PTPRG: variants seen among roughly 807,000 people sequenced by gnomAD.
PTPRG encodes receptor-type tyrosine-protein phosphatase gamma.
In PTPRG, 102 loss-of-function variants were observed where a neutral mutation model predicts 165.3. That is an observed-to-expected ratio of 0.62 (90% CI 0.53 to 0.73). The LOEUF (loss-of-function observed/expected upper bound fraction) is 0.73. Ranked by LOEUF, PTPRG falls within the 30% of genes least tolerant of loss-of-function variation. PTPRG has a pLI of 0.00. For synonymous variants in PTPRG, 675 were observed against 669.5 expected (o/e 1.01, Z -0.13); for missense variants, 1,866 against 1,861.4 (o/e 1.00, Z -0.05).
intron 2 of PTPRG, among the ~76,000 whole-genome samples, chr3:61,867,945 A>G (rs1301230409): frequency 1.3e-5 from 2 of 152,064 alleles, no homozygotes; most frequent in South Asian, 4.1e-4. Flanking sequence ...TGGTCTGCTT[A>G]CCTTTCTCTA....
chr3:62,141,619 G>A (rs905168827), intron 6 of PTPRG, among the ~76,000 whole-genome samples: 1 of 151,942 alleles, frequency 6.6e-6, no homozygotes, highest in African/African-American at 2.4e-5. Context: ...AAGACATGTG[G>A]CTGGCCGCAG....
intron 3 of PTPRG, among the ~76,000 whole-genome samples, chr3:61,996,367 G>A (rs2041040194): frequency 2.0e-5 from 3 of 152,066 alleles, no homozygotes; most frequent in African/African-American, 7.2e-5. Flanking sequence ...TCCTTAATAG[G>A]TGTAAATATG....
intron 28 of PTPRG, among the ~76,000 whole-genome samples, chr3:62,286,965 T>C (rs530903393): frequency 2.4e-4 from 37 of 152,258 alleles, no homozygotes; most frequent in African/African-American, 8.4e-4. Flanking sequence ...GTGCATTTGA[T>C]TGATTTGACT....
At position 62,016,122 on chromosome 3, in the gene PTPRG, A is replaced by G. The variant is rs142281026; in HGVS notation, c.519+12625A>G. 7.9e-5 allele frequency among the ~76,000 whole-genome samples: 12 copies of G among 152,264 alleles called. No homozygotes were observed. In the East Asian group the frequency reaches 2.3e-3, roughly 29 times the overall value. ...ATAGAGTAAATTTGAGTTAATAGACATAGAGTACTTTGAGCAGGATTTGGC... is the reference window on the plus strand; with the variant it reads ...ATAGAGTAAATTTGAGTTAATAGACGTAGAGTACTTTGAGCAGGATTTGGC... On this transcript the variant is annotated intron_variant, in intron 4 of 29. Transcript: ENST00000474889.
chr3:62,269,492 T>G (rs747769792), intron 20 of PTPRG, among the ~76,000 whole-genome samples: 1 of 152,180 alleles, frequency 6.6e-6, no homozygotes, highest in Non-Finnish European at 1.5e-5. Context: ...ATTCCAATTT[T>G]CTGACAGATA....
chr3:61,896,274 T>A (rs1190597402), intron 2 of PTPRG, among the ~76,000 whole-genome samples: 1 of 152,196 alleles, frequency 6.6e-6, no homozygotes, highest in Non-Finnish European at 1.5e-5. Context: ...AAAGCTTTTG[T>A]CACTTCAAAA....
At chr3:61,826,277 G>A (rs1367555846) in intron 2 of PTPRG, among the ~76,000 whole-genome samples, 1 of 152,168 alleles carries the variant, frequency 6.6e-6, no homozygotes, top group Non-Finnish European at 1.5e-5. Flanking sequence ...CCTACGGTGA[G>A]TAGTATATAG....
At chr3:62,232,784 T>C (rs2106926085) in intron 14 of PTPRG, among the ~76,000 whole-genome samples, 1 of 152,344 alleles carries the variant, frequency 6.6e-6, no homozygotes, top group Non-Finnish European at 1.5e-5. Context: ...TTCATCTAGG[T>C]CTAGGAGTTG....
intron 5 of PTPRG, among the ~76,000 whole-genome samples, chr3:62,103,603 C>T (rs1702368231): frequency 6.6e-6 from 1 of 152,202 alleles, no homozygotes; most frequent in Admixed American, 6.5e-5. Flanking sequence ...CCTATGATGC[C>T]TTCTCCTACA....
At chr3:62,008,821 C>G (rs2041354622) in intron 4 of PTPRG, among the ~76,000 whole-genome samples, 1 of 152,178 alleles carries the variant, frequency 6.6e-6, no homozygotes, top group Non-Finnish European at 1.5e-5. Context: ...TGAGAATGTA[C>G]TGCTGCTGAT....
At chr3:62,039,875 G>C (rs1700070830) in intron 4 of PTPRG, among the ~76,000 whole-genome samples, 1 of 152,050 alleles carries the variant, frequency 6.6e-6, no homozygotes, top group Non-Finnish European at 1.5e-5. Flanking sequence ...CATTAAGTAT[G>C]TTTAATAAAA....
At chr3:62,063,272 A>C (rs1700880547) in intron 4 of PTPRG, among the ~76,000 whole-genome samples, 2 of 152,204 alleles carry the variant, frequency 1.3e-5, no homozygotes, top group Non-Finnish European at 2.9e-5. Context: ...AAAGATCATC[A>C]AGCCAAGGAT....
chr3:62,219,571 T>C lies in PTPRG; in HGVS notation c.2288+588T>C, dbSNP rs1306444982. Among the ~76,000 whole-genome samples the C allele has an allele frequency of 2.0e-5, 3 of 152,216 alleles. No individual in the cohort carries two copies. Among genetic ancestry groups the C allele is most frequent in the Admixed American group, 6.5e-5 (1 of 15,284 alleles). On this transcript the variant is annotated intron_variant, in intron 13 of 29. Transcript: ENST00000474889. The surrounding 1 kb of genome is among the most constrained non-coding windows in gnomAD (Gnocchi z 4.5). The stretch of plus-strand genomic sequence containing the variant: ...GGTTGCAGCCTCTGTTTAGAAGTTG[T>C]GTTTTTTCAGCCGGACCGTCTCAGC...
At chr3:62,001,208 G>C (rs952976176) in intron 3 of PTPRG, among the ~76,000 whole-genome samples, 2 of 152,182 alleles carry the variant, frequency 1.3e-5, no homozygotes, top group Admixed American at 6.5e-5. Context: ...TGGAAGGGGT[G>C]GGTGGACATG....
At chr3:61,935,744 C>T in intron 2 of PTPRG, among the ~76,000 whole-genome samples, 1 of 150,408 alleles carries the variant, frequency 6.6e-6, no homozygotes, top group Non-Finnish European at 1.5e-5. Context: ...TGTCCCAAAT[C>T]CAAGAAGTCA....
chr3:62,292,584 T>C (rs546826769), intron 29 of PTPRG, 28 bp downstream of exon 29: 1 of 1,608,118 alleles, frequency 6.2e-7, no homozygotes, highest in Admixed American at 1.7e-5. Context: ...GTGTAAAACC[T>C]GTACTACATC....
Position 61,937,937 on chromosome 3 carries a change from G to GTTT in PTPRG, c.191-51688_191-51687insTTT, listed in dbSNP as rs140888196. On this transcript the variant is annotated intron_variant, in intron 2 of 29. Transcript: ENST00000474889. ...AAAACAATCCTGCATTTGATCTTGG[G>GTTT]GTTTTTTTTTTTCCCCCTTCAGTGA... Among the ~76,000 whole-genome samples the GTTT allele has an allele frequency of 5.1e-3, 762 of 150,358 alleles. 11 individuals carry two copies. Among genetic ancestry groups the GTTT allele is most frequent in the African/African-American group, 0.016 (655 of 40,982 alleles).
chr3:61,762,144 A>G (rs1386452896), intron 2 of PTPRG, among the ~76,000 whole-genome samples: 1 of 152,118 alleles, frequency 6.6e-6, no homozygotes, highest in Non-Finnish European at 1.5e-5. Context: ...GTTGATAAGT[A>G]CATGGTCCAC....
intron 1 of PTPRG, 93 bp downstream of exon 1, chr3:61,562,465 G>C: frequency 8.1e-7 from 1 of 1,232,566 alleles, no homozygotes. Context: ...GCGCCCGTCC[G>C]GGAGACCCTG....
Sources: allele counts gnomAD v4.1 joint callset (sites outside exome capture counted in the v4.1 genomes callset), GRCh38; gene constraint gnomAD v4.1.1; non-coding constraint Gnocchi (gnomAD v3.1); transcripts MANE v1.5; gene names NCBI Gene and HGNC (gene_info 2026-07-23, HGNC 2026-07-21).